POLR1C: variants seen among roughly 807,000 people sequenced by gnomAD.
POLR1C encodes the protein RNA polymerase I and III subunit C.
Under a neutral mutation model 38.3 loss-of-function variants are expected in POLR1C, and 42 were observed. That is an observed-to-expected ratio of 1.10 (90% CI 0.86 to 1.42). The LOEUF is 1.42. POLR1C is among the 40% of genes most tolerant of loss of function. POLR1C has a pLI of 0.00. For synonymous variants in POLR1C, 163 were observed against 163.9 expected, an observed-to-expected ratio of 0.99 and a Z score of 0.04; for missense variants, 507 against 450.5, an observed-to-expected ratio of 1.13 and a Z score of -1.14.
chr6:43,539,900 G>A (rs1477095292), intron 9 of POLR1C, among the ~76,000 whole-genome samples: 3 of 152,212 alleles, frequency 2.0e-5, no homozygotes, highest in Admixed American at 6.5e-5. Context: ...CTATCTTGTT[G>A]AGTTAGAATA....
chr6:43,544,436 A>G (rs2127724947), intron 9 of POLR1C, among the ~76,000 whole-genome samples: 1 of 152,298 alleles, frequency 6.6e-6, no homozygotes, highest in South Asian at 2.1e-4. Context: ...AAAGAAAATT[A>G]TATAAAAAAA....
chr6:43,545,114 T>C (rs1794900224), intron 9 of POLR1C, among the ~76,000 whole-genome samples: 1 of 151,884 alleles, frequency 6.6e-6, no homozygotes, highest in Admixed American at 6.6e-5. Flanking sequence ...CTCAAGTGAT[T>C]GACCCACCTT....
At chr6:43,524,670 G>T (rs775650565), downstream of POLR1C, 8 of 1,603,914 alleles carry the variant, frequency 5.0e-6, no homozygotes, top group Non-Finnish European at 6.8e-6. Flanking sequence ...CTGGATGTAG[G>T]TTTGGATATT....
At position 43,519,370 on chromosome 6, in the gene POLR1C, C is replaced by CCA; in HGVS notation, c.179_180insCA (p.Leu61AsnfsTer22). 1 of 1,613,808 alleles carries CCA rather than the reference C, an allele frequency of 6.2e-7. No homozygotes were observed. On this transcript the variant is annotated frameshift_variant, in exon 3 of 9. Transcript: ENST00000642195. LOFTEE classifies it high-confidence loss of function. ...GATGTAGTACACATGGATGAAAACT[C>CCA]ACTGGAGTTTGACATGGTGGGAATT...
intron 9 of POLR1C, among the ~76,000 whole-genome samples, chr6:43,537,547 C>G (rs138117892): frequency 6.6e-6 from 1 of 152,228 alleles, no homozygotes; most frequent in African/African-American, 2.4e-5. Flanking sequence ...AAATGAATGG[C>G]CAAGGTATGT....
chr6:43,558,057 T>C (rs1762200342), intron 10 of POLR1C, among the ~76,000 whole-genome samples: 2 of 150,724 alleles, frequency 1.3e-5, no homozygotes, highest in Non-Finnish European at 2.9e-5. Flanking sequence ...ATCGCGCCAT[T>C]GCACTCCAGC....
At chr6:43,526,036 G>T, downstream of POLR1C, 4 of 1,176,844 alleles carry the variant, frequency 3.4e-6, no homozygotes, top group East Asian at 2.6e-5. Flanking sequence ...CTAAGTGGTG[G>T]CTAAGTAGTA....
At chr6:43,521,666 C>A, downstream of POLR1C, 1 of 340,612 alleles carries the variant, frequency 2.9e-6, no homozygotes, top group African/African-American at 2.1e-5. Flanking sequence ...ATGCTACAGG[C>A]ATGCACCACC....
intron 3 of POLR1C, 43 bp from the exon 4 acceptor site, chr6:43,519,663 C>CT (rs767701419): frequency 6.2e-7 from 1 of 1,614,038 alleles, no homozygotes; most frequent in East Asian, 2.2e-5. Context: ...GGTAGGGGGT[C>CT]TGTTGGGTTT....
chr6:43,551,311 T>C, intron 10 of POLR1C: 1 of 1,612,322 alleles, frequency 6.2e-7, no homozygotes, highest in Non-Finnish European at 8.5e-7. Flanking sequence ...AGAGAAGACC[T>C]GGGGCAGGAA....
downstream of POLR1C, chr6:43,533,699 G>A (rs536850379): frequency 6.5e-5 from 21 of 324,412 alleles, no homozygotes; most frequent in East Asian, 4.5e-4. Flanking sequence ...TTCGTCTGGC[G>A]TTGTGATCTG....
downstream of POLR1C, chr6:43,524,979 A>G (rs777457245): frequency 4.3e-6 from 7 of 1,612,274 alleles, no homozygotes; most frequent in Non-Finnish European, 5.9e-6. Context: ...CTGGGGAGAC[A>G]ACTGTGCTTT....
chr6:43,524,692 C>T (rs535532079), downstream of POLR1C: 2 of 1,592,586 alleles, frequency 1.3e-6, no homozygotes, highest in African/African-American at 2.7e-5. Flanking sequence ...CCACCCTCCC[C>T]ATTTCCTGCC....
intron 9 of POLR1C, chr6:43,539,586 G>A (rs542841051): frequency 4.8e-5 from 66 of 1,366,676 alleles, no homozygotes; most frequent in African/African-American, 4.4e-4. Flanking sequence ...CCCGGTCCAC[G>A]GCTGCGACCC....
intron 9 of POLR1C, among the ~76,000 whole-genome samples, chr6:43,545,169 C>T (rs574029154): frequency 7.2e-5 from 11 of 152,084 alleles, no homozygotes; most frequent in East Asian, 5.9e-4. Context: ...CACCACACCC[C>T]GCCAAAATAT....
At chr6:43,536,240 C>T (rs533746068) in intron 9 of POLR1C, among the ~76,000 whole-genome samples, 310 of 152,058 alleles carry the variant, frequency 2.0e-3, no homozygotes, top group Non-Finnish European at 3.8e-3. Context: ...CATGGTGAAA[C>T]CCTGTCTCTA....
At chr6:43,539,880 T>G (rs1794594194) in intron 9 of POLR1C, among the ~76,000 whole-genome samples, 1 of 152,270 alleles carries the variant, frequency 6.6e-6, no homozygotes. Context: ...GTTATATCTC[T>G]TTAGGTTTTC....
chr6:43,534,059 G>A, downstream of POLR1C: 4 of 1,426,914 alleles, frequency 2.8e-6, no homozygotes, highest in Non-Finnish European at 3.9e-6. Flanking sequence ...CAGAAGGAAA[G>A]AGTGGGTTTT....
intron 9 of POLR1C, chr6:43,549,987 G>T (rs775960632): frequency 2.5e-6 from 4 of 1,578,510 alleles, no homozygotes; most frequent in Non-Finnish European, 3.5e-6. Context: ...TTAGAGATGA[G>T]ATCTTGCTAT....
Sources: gnomAD v4.1 joint callset for allele counts (sites outside exome capture counted in the v4.1 genomes callset) on GRCh38, gnomAD v4.1.1 for gene constraint, MANE v1.5 for transcripts, NCBI Gene and HGNC (gene_info 2026-07-23, HGNC 2026-07-21) for gene names.